The following C12orf43 variants were observed in gnomAD, a reference collection of about 807,000 sequenced individuals.
C12orf43 encodes the protein chromosome 12 open reading frame 43, also known as protein CUSTOS.
A neutral mutation model predicts 20.6 loss-of-function variants in C12orf43; 15 were observed. The observed-to-expected ratio is 0.73, with a 90% confidence interval of 0.49 to 1.12. The LOEUF (loss-of-function observed/expected upper bound fraction) is 1.12. C12orf43 is among the 50% of genes most tolerant of loss of function. C12orf43 has a pLI of 0.00. For synonymous variants in C12orf43, 144 were observed against 130.8 expected (o/e 1.10, Z -0.69); for missense variants, 334 against 344.4 (o/e 0.97, Z 0.24).
rs941440125 is a variant in C12orf43 at position 121,005,201 on chromosome 12, C to T, written c.362-108G>A. 14 of 584,918 alleles carry T rather than the reference C, an allele frequency of 2.4e-5. No individual in the cohort carries two copies. In the Admixed American group the frequency reaches 4.1e-4, roughly 17 times the overall value. 36.2% of individuals were successfully genotyped at this position (584,918 alleles called of 1,614,324 possible). A position where few individuals can be genotyped will look rare whatever the true frequency, so the allele number is the denominator to read the frequency against. ...AAGAAAAAAATTTTAAAAAGGAAAA[C>T]GAAAGAAAGAAAAGATAAAGAGAAA... is the stretch of plus-strand genomic sequence containing the variant. On this transcript the variant is annotated intron_variant, in intron 4 of 5. Transcript: ENST00000288757. This position sits in a 1 kb window ranked among gnomAD's most constrained non-coding sequence, Gnocchi z 5.6.
rs1240326976 is a variant in C12orf43 at position 121,002,144 on chromosome 12, G to C, written c.*2009C>G. 1 of 515,018 alleles carries C rather than the reference G, an allele frequency of 1.9e-6. No individual in the cohort carries two copies. Among genetic ancestry groups the C allele is most frequent in the Non-Finnish European group, 3.8e-6 (1 of 266,306 alleles). The allele number at this position is 515,018 out of a possible 1,614,324, so 31.9% of individuals were successfully genotyped here. ...GCCCGAGCAGCTGAGCAGGGCCGGGGAACTGGCCAAGCTGAGGTGCCCAGG... is the reference window on the plus strand; with the variant it reads ...GCCCGAGCAGCTGAGCAGGGCCGGGCAACTGGCCAAGCTGAGGTGCCCAGG... On this transcript the variant is annotated 3_prime_UTR_variant, in exon 6 of 6. Coordinates refer to ENST00000288757, the MANE Select transcript of C12orf43 (RefSeq NM_022895.3).
At position 121,002,653 on chromosome 12, in the gene C12orf43, G is replaced by A. The variant is rs41279098; in HGVS notation, c.*1500C>T. 5.1e-5 allele frequency: 18 copies of A among 353,348 alleles called. No homozygotes were observed. The highest frequency in any genetic ancestry group is 8.3e-5 in the Non-Finnish European group (15 of 180,220). 21.9% of individuals were successfully genotyped at this position (353,348 alleles called of 1,614,324 possible). ...ACATCTCTGCTTTTCTTGCTCTGCT[G>A]AGACTCTAATGACAAAGCCAGATTT... On this transcript the variant is annotated 3_prime_UTR_variant, in exon 6 of 6. Coordinates refer to ENST00000288757, the MANE Select transcript of C12orf43 (RefSeq NM_022895.3).
Position 121,004,133 on chromosome 12 carries a change from C to T in C12orf43, c.*20G>A. 1 of 1,612,988 alleles carries T rather than the reference C, an allele frequency of 6.2e-7. No homozygotes were observed. Among genetic ancestry groups the T allele is most frequent in the Non-Finnish European group, 8.5e-7 (1 of 1,178,956 alleles). The stretch of plus-strand genomic sequence containing the variant: ...CACCTTGTCCTTGGAGCTGGCTGAG[C>T]CCTGTGCCCATGGCTGGGTTCAGTT... On this transcript the variant is annotated 3_prime_UTR_variant, in exon 6 of 6. Transcript: ENST00000288757. This position sits in a 1 kb window ranked among gnomAD's most constrained non-coding sequence, Gnocchi z 5.6.
rs774254726 is a variant in C12orf43, at chr12:121,004,978, C to T, written c.452+25G>A. On this transcript the variant is annotated intron_variant, in intron 5 of 5. Transcript: ENST00000288757. This position sits in a 1 kb window ranked among gnomAD's most constrained non-coding sequence, Gnocchi z 5.6. ...CAGAAGAGGAGAAAAAAGGAGGGGACGTGAGGAGAGGTGTGAGTTCTCACC... is the reference window on the plus strand; with the variant it reads ...CAGAAGAGGAGAAAAAAGGAGGGGATGTGAGGAGAGGTGTGAGTTCTCACC... The T allele has an allele frequency of 4.1e-5, 61 of 1,487,830 alleles. No homozygotes were observed. The Middle Eastern group carries it at 7.2e-4, about 18-fold the overall frequency. 92.2% of individuals were successfully genotyped at this position (1,487,830 alleles called of 1,614,324 possible).
chr12:121,010,930 C>T lies in C12orf43; in HGVS notation c.189-4G>A, dbSNP rs374179717. On this transcript the variant is annotated splice_polypyrimidine_tract_variant and splice_region_variant and intron_variant, in intron 2 of 5. Transcript: ENST00000288757. Reference sequence around the variant, plus strand: ...TTCATGCTCATTCACCTTATGCCTACGACACACACAAAGAGACCTCACTTC... The same window carrying T: ...TTCATGCTCATTCACCTTATGCCTATGACACACACAAAGAGACCTCACTTC... 40 of 1,613,986 alleles carry T rather than the reference C, an allele frequency of 2.5e-5. No homozygotes were observed. The highest frequency in any genetic ancestry group is 1.3e-4 in the African/African-American group (10 of 74,908).
In C12orf43 at chr12:121,004,917, G is replaced by A. The variant is rs1877858174; in HGVS notation, c.452+86C>T. 1.0e-6 allele frequency: 1 copy of A among 999,054 alleles called. No homozygotes were observed. The highest frequency in any genetic ancestry group is 3.6e-5 in the Admixed American group (1 of 27,936). The allele number at this position is 999,054 out of a possible 1,614,324, so 61.9% of individuals were successfully genotyped here. On this transcript the variant is annotated intron_variant, in intron 5 of 5. Transcript: ENST00000288757. This position sits in a 1 kb window ranked among gnomAD's most constrained non-coding sequence, Gnocchi z 5.6. ...CCACTGCCTTGGCCTGGTCCTGACT[G>A]GAGTCTGCTTGGCTATTCCAGGGAA...
intron 1 of C12orf43, chr12:121,012,392 G>C: frequency 1.4e-6 from 1 of 702,474 alleles, no homozygotes; most frequent in Non-Finnish European, 2.6e-6. Flanking sequence ...TGAGGAGGAG[G>C]AGCTCTGGAA....
At position 121,016,429 on chromosome 12, in the gene C12orf43, T is replaced by G. The variant is rs373530311; in HGVS notation, c.46A>C (p.Ser16Arg). ...GTVSDSESSN[S>R]SSDAEELERC... ...TCCAGCTCCTCCGCATCGCTACTGC[T>G]GTTACTACTTTCCGAATCGCTCACT... Residue 16 changes from serine to arginine, a missense_variant, in exon 1 of 6, where the codon AGC (serine) becomes CGC (arginine). Ser to Arg is a moderately radical substitution (Grantham distance 110, BLOSUM62 -1). Transcript: ENST00000288757. 3.7e-6 allele frequency: 6 copies of G among 1,614,090 alleles called. No individual in the cohort carries two copies. The Admixed American group carries it at 5.0e-5, about 13-fold the overall frequency.
Position 121,000,994 on chromosome 12 carries a change from C to A in C12orf43, c.*3159G>T, listed in dbSNP as rs956343274. On this transcript the variant is annotated 3_prime_UTR_variant, in exon 6 of 6. Coordinates refer to ENST00000288757, the MANE Select transcript of C12orf43 (RefSeq NM_022895.3). ...GGCCCTGCCTCCCCATCCTGAGTAC[C>A]CCTAGGGACAGGCAGGTGGGGTGGG... The A allele has an allele frequency of 2.2e-5, 35 of 1,602,904 alleles. No homozygotes were observed. Among genetic ancestry groups the A allele is most frequent in the Non-Finnish European group, 2.9e-5 (34 of 1,176,646 alleles).
rs1298844501 is a variant in C12orf43, at chr12:121,005,185, A to G, written c.362-92T>C. ...AAATAAAGAAACAAAAAAGAAAAAAATTTTAAAAAGGAAAACGAAAGAAAG... is the reference window on the plus strand; with the variant it reads ...AAATAAAGAAACAAAAAAGAAAAAAGTTTTAAAAAGGAAAACGAAAGAAAG... On this transcript the variant is annotated intron_variant, in intron 4 of 5. Transcript: ENST00000288757. This position sits in a 1 kb window ranked among gnomAD's most constrained non-coding sequence, Gnocchi z 5.6. The G allele has an allele frequency of 1.1e-5, 8 of 740,848 alleles. No homozygotes were observed. Among genetic ancestry groups the G allele is most frequent in the Non-Finnish European group, 1.5e-5 (8 of 528,110 alleles). 45.9% of individuals were successfully genotyped at this position (740,848 alleles called of 1,614,324 possible).
intron 3 of C12orf43, among the ~76,000 whole-genome samples, chr12:121,007,550 A>G (rs1210156455): frequency 2.6e-5 from 4 of 152,264 alleles, no homozygotes; most frequent in Admixed American, 2.6e-4. Flanking sequence ...AGCCACAAGT[A>G]GCTGCTCAGC....
rs1231750039 is a variant in C12orf43 at position 121,000,947 on chromosome 12, T to C, written c.*3206A>G. On this transcript the variant is annotated 3_prime_UTR_variant, in exon 6 of 6. Coordinates refer to ENST00000288757, the MANE Select transcript of C12orf43 (RefSeq NM_022895.3). ...AGGTGTGACTTTGGGGTTCCTGTTA[T>C]CTGCTGTGATCCAGGAGGTGTGGCC... 6 of 1,394,096 alleles carry C rather than the reference T, an allele frequency of 4.3e-6. No homozygotes were observed. Among genetic ancestry groups the C allele is most frequent in the Non-Finnish European group, 6.0e-6 (6 of 997,136 alleles). The allele number at this position is 1,394,096 out of a possible 1,614,324, so 86.4% of individuals were successfully genotyped here.
At position 121,002,160 on chromosome 12, in the gene C12orf43, G is replaced by A; in HGVS notation, c.*1993C>T. 1 of 499,312 alleles carries A rather than the reference G, an allele frequency of 2.0e-6. No individual in the cohort carries two copies. Among genetic ancestry groups the A allele is most frequent in the South Asian group, 1.7e-5 (1 of 59,582 alleles). 30.9% of individuals were successfully genotyped at this position (499,312 alleles called of 1,614,324 possible). ...AGGGCCGGGGAACTGGCCAAGCTGA[G>A]GTGCCCAGGAGAAGAAAGAGGTGAC... On this transcript the variant is annotated 3_prime_UTR_variant, in exon 6 of 6. Transcript: ENST00000288757.
At position 121,001,258 on chromosome 12, in the gene C12orf43, C is replaced by G. The variant is rs901622433; in HGVS notation, c.*2895G>C. On this transcript the variant is annotated 3_prime_UTR_variant, in exon 6 of 6. Coordinates refer to ENST00000288757, the MANE Select transcript of C12orf43 (RefSeq NM_022895.3). ...GGGGTGATGAGGGCAGCAGCCAGCC[C>G]TGCCTGGAGGACCTGAGCCTGCCGA... 1 of 1,591,566 alleles carries G rather than the reference C, an allele frequency of 6.3e-7. No individual in the cohort carries two copies. The highest frequency in any genetic ancestry group is 8.6e-7 in the Non-Finnish European group (1 of 1,167,126).
rs1336018865 is a variant in C12orf43 at position 121,004,947 on chromosome 12, C to A, written c.452+56G>T. ...CTGCTTGGCTATTCCAGGGAACCCACCAAGACAGAAGAGGAGAAAAAAGGA... is the reference window on the plus strand; with the variant it reads ...CTGCTTGGCTATTCCAGGGAACCCAACAAGACAGAAGAGGAGAAAAAAGGA... On this transcript the variant is annotated intron_variant, in intron 5 of 5. Transcript: ENST00000288757. This position sits in a 1 kb window ranked among gnomAD's most constrained non-coding sequence, Gnocchi z 5.6. 3.0e-6 allele frequency: 4 copies of A among 1,321,534 alleles called. No individual in the cohort carries two copies. Among genetic ancestry groups the A allele is most frequent in the Middle Eastern group, 2.2e-4 (1 of 4,616 alleles). The allele number at this position is 1,321,534 out of a possible 1,614,324, so 81.9% of individuals were successfully genotyped here. A position where few individuals can be genotyped will look rare whatever the true frequency, so the allele number is the denominator to read the frequency against.
At chr12:121,011,357 T>C (rs1878444891) in intron 1 of C12orf43, among the ~76,000 whole-genome samples, 1 of 148,360 alleles carries the variant, frequency 6.7e-6, no homozygotes, top group Admixed American at 6.8e-5. Flanking sequence ...TATATATGTA[T>C]ATAATATAGT....
chr12:121,006,150 A>C lies in C12orf43; in HGVS notation c.361+171T>G, dbSNP rs1877995530. On this transcript the variant is annotated intron_variant, in intron 4 of 5. Coordinates refer to ENST00000288757, the MANE Select transcript of C12orf43 (RefSeq NM_022895.3). ...AGGACTGCTTGGGTCCGGGAGGTTG[A>C]GGCTGCATTGAGCTATAATTGCTCC... 1.7e-5 allele frequency: 10 copies of C among 586,716 alleles called. No homozygotes were observed. The East Asian group carries it at 2.7e-4, about 16-fold the overall frequency. 36.3% of individuals were successfully genotyped at this position (586,716 alleles called of 1,614,324 possible). A position where few individuals can be genotyped will look rare whatever the true frequency, so the allele number is the denominator to read the frequency against.
chr12:121,002,237 G>A lies in C12orf43; in HGVS notation c.*1916C>T. 1 of 440,886 alleles carries A rather than the reference G, an allele frequency of 2.3e-6. No homozygotes were observed. The highest frequency in any genetic ancestry group is 4.3e-6 in the Non-Finnish European group (1 of 231,176). 27.3% of individuals were successfully genotyped at this position (440,886 alleles called of 1,614,324 possible). On this transcript the variant is annotated 3_prime_UTR_variant, in exon 6 of 6. Transcript: ENST00000288757. Reference sequence around the variant, plus strand: ...GACAGGACTAACACTCAGAAGCCTGGGGGCCTGGCTGGCTGAGGGCAGTTC... The same window carrying A: ...GACAGGACTAACACTCAGAAGCCTGAGGGCCTGGCTGGCTGAGGGCAGTTC...
At chr12:121,016,147 A>G (rs2135892344) in intron 1 of C12orf43, 183 bp downstream of exon 1, 1 of 926,242 alleles carries the variant, frequency 1.1e-6, no homozygotes, top group Non-Finnish European at 1.7e-6. Flanking sequence ...CCCCGACTGG[A>G]ATAATGAAAT....
Sources: allele counts gnomAD v4.1 joint callset (sites outside exome capture counted in the v4.1 genomes callset), GRCh38; gene constraint gnomAD v4.1.1; non-coding constraint Gnocchi (gnomAD v3.1); transcripts MANE v1.5; gene names NCBI Gene and HGNC (gene_info 2026-07-23, HGNC 2026-07-21).